The following UBE2U variants were observed in gnomAD, a reference collection of about 807,000 sequenced individuals.
The protein encoded by UBE2U is ubiquitin conjugating enzyme E2 U.
Under a neutral mutation model 41.2 loss-of-function variants are expected in UBE2U, and 39 were observed. That is an observed-to-expected ratio of 0.95 (90% CI 0.73 to 1.24). The LOEUF (loss-of-function observed/expected upper bound fraction) is 1.24, where lower values mean the gene tolerates loss of function less well. UBE2U is among the 50% of genes most tolerant of loss of function. The pLI is 0.00. For synonymous variants in UBE2U, 107 were observed against 117.8 expected, an observed-to-expected ratio of 0.91 and a Z score of 0.60; for missense variants, 336 against 363.1, an observed-to-expected ratio of 0.93 and a Z score of 0.61.
intron 7 of UBE2U, among the ~76,000 whole-genome samples, chr1:64,238,687 T>G (rs1243479665): frequency 6.6e-6 from 1 of 151,954 alleles, no homozygotes; most frequent in Non-Finnish European, 1.5e-5. Flanking sequence ...AGTTAAAAAT[T>G]TTTTTTTCTA....
intron 8 of UBE2U, among the ~76,000 whole-genome samples, chr1:64,248,569 G>GT (rs60816978): frequency 0.018 from 2,569 of 144,684 alleles, 36 homozygotes; most frequent in Non-Finnish European, 0.026. Context: ...CATTTTACTT[G>GT]TTTTTTTTTT....
At chr1:64,260,540 C>A in intron 8 of UBE2U, 63 bp from the exon 9 acceptor site, 1 of 1,246,396 alleles carries the variant, frequency 8.0e-7, no homozygotes, top group Non-Finnish European at 1.1e-6. Context: ...TTATTTTTCT[C>A]AGAAGTAAAT....
intron 7 of UBE2U, among the ~76,000 whole-genome samples, chr1:64,236,549 G>A (rs1483756052): frequency 6.6e-6 from 1 of 152,144 alleles, no homozygotes. Flanking sequence ...ACATATATAT[G>A]GTTGTGGGCA....
intron 8 of UBE2U, chr1:64,244,061 C>A: frequency 1.9e-6 from 2 of 1,052,408 alleles, no homozygotes; most frequent in South Asian, 1.3e-5. Context: ...TGGTGCATGG[C>A]AAGCACTCAT....
chr1:64,236,745 T>C (rs1644674802), intron 7 of UBE2U, among the ~76,000 whole-genome samples: 1 of 152,216 alleles, frequency 6.6e-6, no homozygotes, highest in Non-Finnish European at 1.5e-5. Context: ...AGGAGACTTT[T>C]ATTCTTTGAG....
chr1:64,217,954 A>T (rs890037993), intron 5 of UBE2U, among the ~76,000 whole-genome samples: 8 of 152,266 alleles, frequency 5.3e-5, no homozygotes, highest in East Asian at 1.9e-4. Flanking sequence ...CACTGGGTTT[A>T]AAAAAATCCT....
chr1:64,208,496 T>C (rs1651446736), intron 3 of UBE2U, among the ~76,000 whole-genome samples: 1 of 151,482 alleles, frequency 6.6e-6, no homozygotes, highest in Admixed American at 6.6e-5. Flanking sequence ...TCCCAGCTAC[T>C]TCAGGTCTGA....
intron 6 of UBE2U, among the ~76,000 whole-genome samples, chr1:64,228,489 A>G (rs1232553481): frequency 6.6e-6 from 1 of 152,114 alleles, no homozygotes; most frequent in African/African-American, 2.4e-5. Context: ...GAGGAGTGTA[A>G]TACCATGGTG....
At chr1:64,211,071 T>C (rs1651635905) in intron 4 of UBE2U, among the ~76,000 whole-genome samples, 1 of 152,164 alleles carries the variant, frequency 6.6e-6, no homozygotes, top group Non-Finnish European at 1.5e-5. Context: ...AGAATGCATA[T>C]CTTATAAAAG....
At chr1:64,237,332 A>G (rs1644687460) in intron 7 of UBE2U, among the ~76,000 whole-genome samples, 1 of 151,458 alleles carries the variant, frequency 6.6e-6, no homozygotes, top group Admixed American at 6.6e-5. Flanking sequence ...AGCAGAGTAG[A>G]AGCAATGCCC....
At chr1:64,218,405 C>T (rs1219106010) in intron 5 of UBE2U, among the ~76,000 whole-genome samples, 6 of 151,984 alleles carry the variant, frequency 3.9e-5, no homozygotes, top group East Asian at 3.9e-4. Context: ...CTAGTTTTAA[C>T]GAGAAATGTT....
At chr1:64,234,877 A>G (rs1292369841) in intron 7 of UBE2U, among the ~76,000 whole-genome samples, 1 of 152,164 alleles carries the variant, frequency 6.6e-6, no homozygotes, top group Non-Finnish European at 1.5e-5. Context: ...ACCCTTAATT[A>G]CACAAACACT....
intron 4 of UBE2U, among the ~76,000 whole-genome samples, chr1:64,212,911 G>C (rs577609590): frequency 6.6e-6 from 1 of 152,162 alleles, no homozygotes; most frequent in South Asian, 2.1e-4. Context: ...TGGAAAGCCA[G>C]TAGATAACAC....
chr1:64,242,318 T>C (rs2100461971), intron 8 of UBE2U, among the ~76,000 whole-genome samples: 1 of 152,272 alleles, frequency 6.6e-6, no homozygotes, highest in South Asian at 2.1e-4. Flanking sequence ...TTCTGCTTCA[T>C]CATGTTACAA....
chr1:64,234,810 G>T (rs1644636262), intron 7 of UBE2U, among the ~76,000 whole-genome samples: 1 of 152,180 alleles, frequency 6.6e-6, no homozygotes, highest in African/African-American at 2.4e-5. Context: ...CACATCTGCT[G>T]TGTGTACCTA....
rs1285820465 is a variant in UBE2U at position 64,203,809 on chromosome 1, G to T, written c.-242G>T. ...TGAGCCGGCACTGCAGTGAAACGCCGCAGATGAGGAAGTGCCCAAGTCTTC... is the reference window on the plus strand; with the variant it reads ...TGAGCCGGCACTGCAGTGAAACGCCTCAGATGAGGAAGTGCCCAAGTCTTC... On this transcript the variant is annotated 5_prime_UTR_variant, in exon 1 of 10. Coordinates refer to ENST00000371077, the MANE Select transcript of UBE2U (RefSeq NM_001366232.2). The T allele has an allele frequency of 2.5e-6, 1 of 393,914 alleles. No homozygotes were observed. Among genetic ancestry groups the T allele is most frequent in the Non-Finnish European group, 4.6e-6 (1 of 219,734 alleles). The allele number at this position is 393,914 out of a possible 1,614,324, so 24.4% of individuals were successfully genotyped here.
intron 7 of UBE2U, among the ~76,000 whole-genome samples, chr1:64,240,132 T>A (rs967058909): frequency 9.2e-5 from 14 of 152,206 alleles, no homozygotes; most frequent in Non-Finnish European, 2.9e-5. Context: ...TGATGTAATA[T>A]GAGTTCCAGA....
chr1:64,245,379 CTA>C (rs1216233320), intron 8 of UBE2U, among the ~76,000 whole-genome samples: 1 of 152,178 alleles, frequency 6.6e-6, no homozygotes, highest in Non-Finnish European at 1.5e-5. Context: ...ACATATAAAA[CTA>C]TGTTTGTGCC....
At chr1:64,256,332 C>T (rs1069697) in intron 8 of UBE2U, among the ~76,000 whole-genome samples, 109,946 of 152,016 alleles carry the variant, frequency 0.72, 41,065 homozygotes, top group African/African-American at 0.92. Flanking sequence ...GCAAAAAGAA[C>T]AAAGCTGGAG....
Sources: gnomAD v4.1 joint callset for allele counts (sites outside exome capture counted in the v4.1 genomes callset) on GRCh38, gnomAD v4.1.1 for gene constraint, MANE v1.5 for transcripts, NCBI Gene and HGNC (gene_info 2026-07-23, HGNC 2026-07-21) for gene names.